CCDC125: variants seen among roughly 807,000 people sequenced by gnomAD.
CCDC125 encodes coiled-coil domain containing 125.
CCDC125 carries 43 observed loss-of-function variants against 57.4 expected under a neutral mutation model. The observed-to-expected ratio is 0.75, with a 90% CI of 0.59 to 0.97. CCDC125 has a LOEUF of 0.97. Ranked by LOEUF, CCDC125 falls within the 50% of genes least tolerant of loss-of-function variation. The probability of loss-of-function intolerance (pLI) is 0.00; values close to 1 mark genes in which losing one functional copy is unlikely to be tolerated. For missense variants in CCDC125, 563 were observed against 595.7 expected (o/e 0.95, Z 0.57); for synonymous variants, 187 against 195.2 (o/e 0.96, Z 0.35).
Position 69,311,186 on chromosome 5 carries a change from T to C in CCDC125, c.385A>G (p.Thr129Ala), listed in dbSNP as rs761102988. ...TGTCTTTGAGATGCCTCAAGTTCAG[T>C]TTTTAACATTTCTACCTCCTGAGGA... ...ETLEEVEMLK[T>A]ELEASQRQLR... is the part of the protein sequence containing the mutation. The change falls in exon 4 of 12, where the codon ACT becomes GCT. Residue 129 changes from threonine (T) to alanine (A), a missense_variant. Transcript: ENST00000396496. 6.8e-6 allele frequency: 11 copies of C among 1,607,452 alleles called. No homozygotes were observed. The South Asian group carries it at 1.2e-4, about 18-fold the overall frequency.
rs1579912759 is a variant in CCDC125, at chr5:69,281,413, C to T, written c.*1316G>A. 1 of 152,204 alleles carries T rather than the reference C, an allele frequency of 6.6e-6. No individual in the cohort carries two copies. The highest frequency in any genetic ancestry group is 1.9e-4 in the East Asian group (1 of 5,188). 9.4% of individuals were successfully genotyped at this position (152,204 alleles called of 1,614,324 possible). A position where few individuals can be genotyped will look rare whatever the true frequency, so the allele number is the denominator to read the frequency against. ...GAAATCACCTTGGCTCAGGCAGCTT[C>T]TTCAGATTCCTGAGACCCCATTTCC... On this transcript the variant is annotated 3_prime_UTR_variant, in exon 12 of 12. Coordinates refer to ENST00000396496, the MANE Select transcript of CCDC125 (RefSeq NM_176816.5).
At chr5:69,294,573 G>C (rs11741826) in intron 9 of CCDC125, among the ~76,000 whole-genome samples, 60,555 of 151,762 alleles carry the variant, frequency 0.4, 12,941 homozygotes, top group South Asian at 0.46. Context: ...GATTACAGGC[G>C]TGAGCCACCG....
At chr5:69,287,007 A>C (rs1268409059) in intron 10 of CCDC125, among the ~76,000 whole-genome samples, 2 of 151,554 alleles carry the variant, frequency 1.3e-5, no homozygotes, top group Non-Finnish European at 2.9e-5. Flanking sequence ...AAAAAAAAAA[A>C]AAAAAACCCA....
chr5:69,315,626 C>T (rs949618633), intron 2 of CCDC125, among the ~76,000 whole-genome samples: 4 of 150,982 alleles, frequency 2.6e-5, no homozygotes, highest in Admixed American at 6.6e-5. Flanking sequence ...GGCATGGTGG[C>T]GGGCGCCTGT....
At chr5:69,285,515 T>C in intron 10 of CCDC125, 48 bp from the exon 11 acceptor site, 1 of 1,549,612 alleles carries the variant, frequency 6.5e-7, no homozygotes, top group Non-Finnish European at 8.7e-7. Flanking sequence ...ATATCCTCAC[T>C]GATATACTTC....
intron 10 of CCDC125, among the ~76,000 whole-genome samples, chr5:69,290,283 A>T (rs932339540): frequency 4.0e-5 from 6 of 150,120 alleles, no homozygotes; most frequent in Admixed American, 2.7e-4. Flanking sequence ...CTTTCATTTT[A>T]TTATTATTAT....
chr5:69,325,553 CAG>C (rs1243064216), intron 1 of CCDC125, among the ~76,000 whole-genome samples: 1 of 149,720 alleles, frequency 6.7e-6, no homozygotes, highest in Non-Finnish European at 1.5e-5. Flanking sequence ...GGGCTGGGCA[CAG>C]TGGCTCACGT....
In CCDC125 at chr5:69,292,196, T is replaced by C; in HGVS notation, c.1091A>G (p.Lys364Arg). Reference sequence around the variant, plus strand: ...TTATAATTCATAGTTACCATCCTCTTTAAGGTGCTTCCAATTCATCCATTT... The same window carrying C: ...TTATAATTCATAGTTACCATCCTCTCTAAGGTGCTTCCAATTCATCCATTT... Reference protein sequence around the residue: ...ATKWMNWKHLKEDGFPSPRSK... With the variant: ...ATKWMNWKHLREDGFPSPRSK... Residue 364 changes from lysine (K) to arginine (R), a missense_variant, in exon 10 of 12, where the codon AAA becomes AGA. Lys to Arg is a conservative substitution (Grantham distance 26). Coordinates refer to ENST00000396496, the MANE Select transcript of CCDC125 (RefSeq NM_176816.5). 1 of 1,612,538 alleles carries C rather than the reference T, an allele frequency of 6.2e-7. No individual in the cohort carries two copies. The highest frequency in any genetic ancestry group is 8.5e-7 in the Non-Finnish European group (1 of 1,179,516).
chr5:69,308,492 C>A, intron 4 of CCDC125: 1 of 178,204 alleles, frequency 5.6e-6, no homozygotes, highest in Admixed American at 5.8e-5. Flanking sequence ...TCTGCTTTTG[C>A]ATCTCTCTCA....
Position 69,282,633 on chromosome 5 carries a change from CAT to C in CCDC125, c.*94_*95del. 1.0e-6 allele frequency: 1 copy of C among 1,001,206 alleles called. No individual in the cohort carries two copies. The highest frequency in any genetic ancestry group is 1.5e-6 in the Non-Finnish European group (1 of 679,382). The allele number at this position is 1,001,206 out of a possible 1,614,324, so 62.0% of individuals were successfully genotyped here. ...CTAAAATTTAGAAATACCTAGGAAA[CAT>C]ACAACTTCTCAAGATGCAGCAAAAT... On this transcript the variant is annotated 3_prime_UTR_variant, in exon 12 of 12. Transcript: ENST00000396496.
chr5:69,284,279 A>G (rs1020263271), intron 11 of CCDC125, among the ~76,000 whole-genome samples: 5 of 152,210 alleles, frequency 3.3e-5, no homozygotes, highest in Non-Finnish European at 5.9e-5. Flanking sequence ...AGTTATTTGT[A>G]TATAAAATTG....
chr5:69,308,776 G>T (rs12189282), intron 4 of CCDC125: 66,482 of 156,906 alleles, frequency 0.42, 14,495 homozygotes, highest in South Asian at 0.48. Flanking sequence ...GAAGAAGACA[G>T]GAAAATGTGG....
downstream of CCDC125, among the ~76,000 whole-genome samples, chr5:69,275,961 A>G (rs1752090529): frequency 1.3e-5 from 2 of 152,236 alleles, no homozygotes; most frequent in Non-Finnish European, 2.9e-5. Context: ...TCTGGTCCCA[A>G]GCATTTTAGA....
intron 1 of CCDC125, among the ~76,000 whole-genome samples, chr5:69,321,519 C>T (rs1415894462): frequency 1.3e-5 from 2 of 152,176 alleles, no homozygotes; most frequent in African/African-American, 2.4e-5. Flanking sequence ...GCCTATAGTT[C>T]CTAGTCTACA....
Position 69,297,804 on chromosome 5 carries a change from T to TA in CCDC125, c.816+2207dup, listed in dbSNP as rs990941202. ...CATGAGACCCTGTCTCTACAAAAAA[T>TA]AAAAAAAAAACATTAGCTGGGTATG... On this transcript the variant is annotated intron_variant, in intron 8 of 11. Coordinates refer to ENST00000396496, the MANE Select transcript of CCDC125 (RefSeq NM_176816.5). Among the ~76,000 whole-genome samples, 658 of 144,174 alleles carry TA rather than the reference T, an allele frequency of 4.6e-3. 4 individuals carry two copies. The highest frequency in any genetic ancestry group is 0.015 in the African/African-American group (583 of 39,624). The allele number at this position is 144,174 out of a possible 152,430, so 94.6% of individuals were successfully genotyped here. A position where few individuals can be genotyped will look rare whatever the true frequency, so the allele number is the denominator to read the frequency against.
intron 2 of CCDC125, 52 bp downstream of exon 2, chr5:69,320,185 C>G (rs1692173537): frequency 6.9e-7 from 1 of 1,456,608 alleles, no homozygotes; most frequent in South Asian, 1.2e-5. Context: ...AGGGTTATAG[C>G]TTTGATACTA....
intron 3 of CCDC125, among the ~76,000 whole-genome samples, chr5:69,312,303 G>A (rs543826390): frequency 7.9e-5 from 12 of 152,290 alleles, no homozygotes; most frequent in Admixed American, 2.6e-4. Context: ...GAGGGAGCAC[G>A]GCCTGCTGAA....
chr5:69,298,452 G>T (rs190515830), intron 8 of CCDC125, among the ~76,000 whole-genome samples: 1 of 152,184 alleles, frequency 6.6e-6, no homozygotes, highest in Non-Finnish European at 1.5e-5. Flanking sequence ...AGTGATAACC[G>T]TGAAGCACGG....
rs1485637260 is a variant in CCDC125, at chr5:69,300,282, G to C, written c.701-155C>G. Among the ~76,000 whole-genome samples, 3 of 152,114 alleles carry C rather than the reference G, an allele frequency of 2.0e-5. No homozygotes were observed. The East Asian group carries it at 5.8e-4, about 29-fold the overall frequency. ...GAAAACCTATCTGATAGAATAGTGA[G>C]TATCACGTAAGATCATATATATGTA... On this transcript the variant is annotated intron_variant, in intron 7 of 11. Coordinates refer to ENST00000396496, the MANE Select transcript of CCDC125 (RefSeq NM_176816.5).
Sources: allele counts gnomAD v4.1 joint callset (sites outside exome capture counted in the v4.1 genomes callset), GRCh38; gene constraint gnomAD v4.1.1; transcripts MANE v1.5; gene names NCBI Gene and HGNC (gene_info 2026-07-23, HGNC 2026-07-21).